The following TTLL11 variants were observed in gnomAD, a reference collection of about 807,000 sequenced individuals.
The protein encoded by TTLL11 is tubulin tyrosine ligase like 11, also known as tubulin polyglutamylase TTLL11.
Under a neutral mutation model 51.7 loss-of-function variants are expected in TTLL11, and 42 were observed. That is an observed-to-expected ratio of 0.81 (90% confidence interval 0.64 to 1.05). The LOEUF is 1.05. TTLL11 is among the 50% of genes least tolerant of loss of function. The pLI, the probability that TTLL11 is intolerant of heterozygous loss-of-function variation, is 0.00. For missense variants in TTLL11, 799 were observed against 940.4 expected (o/e 0.85, Z 1.97); for synonymous variants, 381 against 383.5 (o/e 0.99, Z 0.08).
intron 1 of TTLL11, among the ~76,000 whole-genome samples, chr9:122,065,094 A>G (rs1845543044): frequency 6.6e-6 from 1 of 152,214 alleles, no homozygotes; most frequent in Admixed American, 6.5e-5. Context: ...TGTTAAAAAA[A>G]ATAAATAGTC....
chr9:121,988,215 C>A (rs983617797), intron 4 of TTLL11, among the ~76,000 whole-genome samples: 1 of 152,174 alleles, frequency 6.6e-6, no homozygotes, highest in African/African-American at 2.4e-5. Flanking sequence ...CCATCCTCTC[C>A]AGCTTATGTG....
chr9:122,081,423 A>C (rs1846003016), intron 1 of TTLL11, among the ~76,000 whole-genome samples: 1 of 152,232 alleles, frequency 6.6e-6, no homozygotes, highest in East Asian at 1.9e-4. Flanking sequence ...ATGATGCCCC[A>C]TGTGACAGAA....
At chr9:122,022,846 A>T (rs532693210) in intron 3 of TTLL11, among the ~76,000 whole-genome samples, 1 of 152,142 alleles carries the variant, frequency 6.6e-6, no homozygotes, top group East Asian at 1.9e-4. Flanking sequence ...TAAAATGTAT[A>T]AAAACAACAG....
At chr9:122,060,072 G>C (rs1845400674) in intron 1 of TTLL11, among the ~76,000 whole-genome samples, 1 of 152,140 alleles carries the variant, frequency 6.6e-6, no homozygotes, top group Non-Finnish European at 1.5e-5. Flanking sequence ...TCCTTGAAAG[G>C]GCTGGCCTGA....
At chr9:121,944,324 A>G (rs896198322) in intron 6 of TTLL11, among the ~76,000 whole-genome samples, 6 of 152,262 alleles carry the variant, frequency 3.9e-5, no homozygotes, top group African/African-American at 1.4e-4. Context: ...CCCGGCCAAC[A>G]TGACGAATCC....
chr9:121,817,635 C>T lies in TTLL11; in HGVS notation c.*4952G>A, dbSNP rs1183471280. The T allele has an allele frequency of 6.6e-6, 1 of 152,262 alleles. No individual in the cohort carries two copies. The highest frequency in any genetic ancestry group is 2.4e-5 in the African/African-American group (1 of 41,450). 9.4% of individuals were successfully genotyped at this position (152,262 alleles called of 1,614,324 possible). A position where few individuals can be genotyped will look rare whatever the true frequency, so the allele number is the denominator to read the frequency against. ...AGTCCCCAGAACTGAGTGGAGCAAA[C>T]ACCCAGCCTCTGCGGGACGTGGGTT... On this transcript the variant is annotated 3_prime_UTR_variant, in exon 9 of 9. Transcript: ENST00000321582.
At chr9:122,026,529 T>C (rs565795781) in intron 3 of TTLL11, among the ~76,000 whole-genome samples, 35 of 152,128 alleles carry the variant, frequency 2.3e-4, no homozygotes, top group African/African-American at 8.4e-4. Flanking sequence ...ATTATCTTGA[T>C]TGTGGTGATG....
At position 122,038,319 on chromosome 9, in the gene TTLL11, C is replaced by G. The variant is rs566460609; in HGVS notation, c.559+953G>C. Among the ~76,000 whole-genome samples, 23 of 152,152 alleles carry G rather than the reference C, an allele frequency of 1.5e-4. No individual in the cohort carries two copies. In the East Asian group the frequency reaches 4.3e-3, roughly 28 times the overall value. The stretch of plus-strand genomic sequence containing the variant: ...GCTCCTTCTCCCTAAGCTGTCCTAC[C>G]ATCTTAAATATCCTCTTCATTCAGC... On this transcript the variant is annotated intron_variant, in intron 2 of 8. Coordinates refer to ENST00000321582, the MANE Select transcript of TTLL11 (RefSeq NM_001139442.2).
At position 121,820,736 on chromosome 9, in the gene TTLL11, T is replaced by C. The variant is rs559691832; in HGVS notation, c.*1851A>G. ...CCGATGACACCTCCACAGTGCCCCA[T>C]GTAGAGAACACTCGACACACCTCAG... On this transcript the variant is annotated 3_prime_UTR_variant, in exon 9 of 9. Transcript: ENST00000321582. 5.3e-5 allele frequency among the ~76,000 whole-genome samples: 8 copies of C among 151,834 alleles called. 1 individual carries two copies. The South Asian group carries it at 1.0e-3, about 20-fold the overall frequency.
At chr9:121,885,836 C>T (rs575721346) in intron 6 of TTLL11, among the ~76,000 whole-genome samples, 27 of 152,308 alleles carry the variant, frequency 1.8e-4, no homozygotes, top group Middle Eastern at 3.4e-3. Flanking sequence ...TCATGCAATC[C>T]TCTTGCCTCA....
At chr9:121,897,640 A>ACACACGCGCG (rs111331446) in intron 6 of TTLL11, among the ~76,000 whole-genome samples, 4 of 139,292 alleles carry the variant, frequency 2.9e-5, no homozygotes, top group Admixed American at 7.1e-5. Context: ...ACACACACAC[A>ACACACGCGCG]CGCGCGCGCG....
intron 7 of TTLL11, among the ~76,000 whole-genome samples, chr9:121,863,031 C>T (rs966983547): frequency 1.3e-5 from 2 of 152,136 alleles, no homozygotes; most frequent in Non-Finnish European, 2.9e-5. Context: ...ACTTTCTTGC[C>T]CCCTTCCTCC....
chr9:121,965,129 T>C (rs997801833), intron 6 of TTLL11, among the ~76,000 whole-genome samples: 2 of 152,210 alleles, frequency 1.3e-5, no homozygotes, highest in Non-Finnish European at 2.9e-5. Context: ...ACCCAGACTT[T>C]TTTATTTATG....
At chr9:121,963,116 T>C (rs1842290588) in intron 6 of TTLL11, among the ~76,000 whole-genome samples, 1 of 148,070 alleles carries the variant, frequency 6.8e-6, no homozygotes, top group African/African-American at 2.5e-5. Context: ...GATGTCCTCA[T>C]CTATAAAATA....
chr9:122,003,516 G>T lies in TTLL11; in HGVS notation c.694-13746C>A, dbSNP rs1352480660. ...TTTTTTTTTTTTGAGATGGAGTCTC[G>T]CATTGTCGCCTAGGCTATAGTGCAG... On this transcript the variant is annotated intron_variant, in intron 3 of 8. Transcript: ENST00000321582. 8.6e-5 allele frequency among the ~76,000 whole-genome samples: 11 copies of T among 127,276 alleles called. No homozygotes were observed. In the East Asian group the frequency reaches 2.2e-3, roughly 25 times the overall value. 83.5% of individuals were successfully genotyped at this position (127,276 alleles called of 152,430 possible).
chr9:121,989,479 C>A lies in TTLL11; in HGVS notation c.985G>T (p.Glu329Ter). Residue 329 changes from glutamate (E) to a stop codon, truncating the protein, a stop_gained, in exon 4 of 9, where the codon GAG becomes TAG. Coordinates refer to ENST00000321582, the MANE Select transcript of TTLL11 (RefSeq NM_001139442.2). LOFTEE classifies it high-confidence loss of function. This position sits in a 1 kb window ranked among gnomAD's most constrained non-coding sequence, Gnocchi z 4.2. ...LSRFCTEPYQ[E>*]PTPKNLHRIF... is the part of the protein sequence containing the mutation. Reference sequence around the variant, plus strand: ...CGGTGCAGGTTTTTGGGGGTGGGCTCCTGATATGGCTCGGTACAAAACCTA... The same window carrying A: ...CGGTGCAGGTTTTTGGGGGTGGGCTACTGATATGGCTCGGTACAAAACCTA... The A allele has an allele frequency of 6.2e-7, 1 of 1,614,114 alleles. No individual in the cohort carries two copies. Among genetic ancestry groups the A allele is most frequent in the Non-Finnish European group, 8.5e-7 (1 of 1,180,042 alleles).
intron 8 of TTLL11, among the ~76,000 whole-genome samples, chr9:121,847,772 A>G (rs1235987277): frequency 6.6e-6 from 1 of 152,248 alleles, no homozygotes; most frequent in African/African-American, 2.4e-5. Context: ...AGAATACAGA[A>G]GCAGAGAAAA....
chr9:122,012,339 T>C (rs62574013), intron 3 of TTLL11, among the ~76,000 whole-genome samples: 2,681 of 152,190 alleles, frequency 0.018, 35 homozygotes, highest in Non-Finnish European at 0.028. Context: ...TAACTTCCTT[T>C]GGGGAAGCAA....
chr9:122,062,462 C>CTTTTTATTTTTTTTTTTT (rs1845461765), intron 1 of TTLL11, among the ~76,000 whole-genome samples: 1 of 77,678 alleles, frequency 1.3e-5, no homozygotes, highest in Non-Finnish European at 2.2e-5. Flanking sequence ...TTATATTATG[C>CTTTTTATTTTTTTTTTTT]TTTTTTTTTT....
Sources: allele counts gnomAD v4.1 joint callset (sites outside exome capture counted in the v4.1 genomes callset), GRCh38; gene constraint gnomAD v4.1.1; non-coding constraint Gnocchi (gnomAD v3.1); transcripts MANE v1.5; gene names NCBI Gene and HGNC (gene_info 2026-07-23, HGNC 2026-07-21).